Variants in MYH3 observed in about 807,000 individuals in gnomAD.
MYH3 encodes myosin-3.
MYH3 carries 130 observed loss-of-function variants against 238.0 expected under a neutral mutation model. That is an observed-to-expected ratio of 0.55 (90% CI 0.47 to 0.63). MYH3 has a LOEUF of 0.63. MYH3 is among the 30% of genes least tolerant of loss of function. The pLI is 0.00. For missense variants in MYH3, 1,853 were observed against 2,374.9 expected, an observed-to-expected ratio of 0.78 and a Z score of 4.57; for synonymous variants, 880 against 924.1, an observed-to-expected ratio of 0.95 and a Z score of 0.86.
rs779685889 is a variant in MYH3 at position 10,629,597 on chromosome 17, C to G, written c.5796G>C (p.Arg1932Ser). ...RAKTRDFTSS[R>S]MVVHESEE is the part of the protein sequence containing the mutation. ...GGCTCCTCCCAGCTCAGCGACTCAC[C>G]CTGCTGGAGGTGAAGTCTCGAGTCT... is the stretch of plus-strand genomic sequence containing the variant. Residue 1932 changes from arginine (R) to serine (S), a missense_variant and splice_region_variant, in exon 40 of 41, where the codon AGG becomes AGC. Transcript: ENST00000583535. 1.9e-6 allele frequency: 3 copies of G among 1,612,994 alleles called. No individual in the cohort carries two copies. Among genetic ancestry groups the G allele is most frequent in the East Asian group, 2.2e-5 (1 of 44,894 alleles).
chr17:10,640,037 G>C lies in MYH3; in HGVS notation c.2641C>G (p.Leu881Val). The C allele has an allele frequency of 1.2e-6, 2 of 1,613,830 alleles. No individual in the cohort carries two copies. Among genetic ancestry groups the C allele is most frequent in the Middle Eastern group, 1.7e-4 (1 of 6,038 alleles). Residue 881 changes from leucine to valine, a missense_variant, in exon 22 of 41, where the codon CTG becomes GTG. Physicochemically the swap from Leu to Val is conservative, Grantham distance 32 (BLOSUM62 1). Coordinates refer to ENST00000583535, the MANE Select transcript of MYH3 (RefSeq NM_002470.4). Reference sequence around the variant, plus strand: ...TGCAGGTCATTCTTCTCTTGGACCAGAGTCACCAGTTTTTCCTCTAGCTCC... The same window carrying C: ...TGCAGGTCATTCTTCTCTTGGACCACAGTCACCAGTTTTTCCTCTAGCTCC... ...RKELEEKLVT[L>V]VQEKNDLQLQ...
intron 18 of MYH3, 24 bp from the exon 19 acceptor site, chr17:10,641,226 G>C (rs756545998): frequency 6.2e-7 from 1 of 1,611,146 alleles, no homozygotes; most frequent in Non-Finnish European, 8.5e-7. Flanking sequence ...CGAGATATCA[G>C]CCTTACACAG....
Position 10,629,802 on chromosome 17 carries a change from G to A in MYH3, c.5658+40C>T. ...CTCTCAGAACTCACCACGGGAAACA[G>A]CACGGTCTGCCTGCCGCAGTCAGCA... On this transcript the variant is annotated intron_variant, in intron 39 of 40. Transcript: ENST00000583535. 6 of 1,613,944 alleles carry A rather than the reference G, an allele frequency of 3.7e-6. No individual in the cohort carries two copies. The South Asian group carries it at 4.4e-5, about 12-fold the overall frequency.
Position 10,649,817 on chromosome 17 carries a change from G to A in MYH3, c.534-132C>T, listed in dbSNP as rs1416710473. 10 of 829,582 alleles carry A rather than the reference G, an allele frequency of 1.2e-5. No individual in the cohort carries two copies. The Admixed American group carries it at 1.9e-4, about 16-fold the overall frequency. The allele number at this position is 829,582 out of a possible 1,614,324, so 51.4% of individuals were successfully genotyped here. On this transcript the variant is annotated intron_variant, in intron 6 of 40. Coordinates refer to ENST00000583535, the MANE Select transcript of MYH3 (RefSeq NM_002470.4). ...ACACACTCACCACACTAATGTGACA[G>A]ACCACTTGAGAAGGCAGACGCCCAG...
the MYH3 span, among the ~76,000 whole-genome samples, chr17:10,670,365 G>T: frequency 2.0e-5 from 3 of 152,294 alleles, no homozygotes; most frequent in African/African-American, 4.8e-5. The surrounding 1 kb of genome is among the most constrained non-coding windows in gnomAD (Gnocchi z 7.0). Flanking sequence ...GGAAGCAAAT[G>T]ACTTGACTGA....
chr17:10,649,538 A>G (rs747032915), intron 7 of MYH3, 39 bp downstream of exon 7: 1 of 1,527,392 alleles, frequency 6.5e-7, no homozygotes. Context: ...ACCACAGTTA[A>G]AAGTGGAAGC....
the MYH3 span, among the ~76,000 whole-genome samples, chr17:10,671,049 C>T: frequency 3.3e-5 from 5 of 152,204 alleles, no homozygotes; most frequent in East Asian, 9.7e-4. Flanking sequence ...CACCACCACG[C>T]CCAGCTAATT....
At position 10,651,747 on chromosome 17, in the gene MYH3, G is replaced by GT. The variant is rs370073463; in HGVS notation, c.349-80dup. On this transcript the variant is annotated intron_variant, in intron 4 of 40. Coordinates refer to ENST00000583535, the MANE Select transcript of MYH3 (RefSeq NM_002470.4). Reference sequence around the variant, plus strand: ...ACCCCTTGCCTTTATTATTATTATTGTTTTTTTTTTTTTTTGAGACGGAGT... The same window carrying GT: ...ACCCCTTGCCTTTATTATTATTATTGTTTTTTTTTTTTTTTTGAGACGGAGT... 60,231 of 726,574 alleles carry GT rather than the reference G, an allele frequency of 0.083. 441 individuals are homozygous for GT. The highest frequency in any genetic ancestry group is 0.22 in the East Asian group (4,068 of 18,194). 45.0% of individuals were successfully genotyped at this position (726,574 alleles called of 1,614,324 possible).
upstream of MYH3, among the ~76,000 whole-genome samples, chr17:10,657,732 A>G (rs9915717): frequency 0.7 from 106,783 of 152,138 alleles, 38,418 homozygotes; most frequent in Non-Finnish European, 0.8. Context: ...TAAGACTGAG[A>G]GTGAAAAGTT....
chr17:10,644,055 G>A (rs2074297292), intron 14 of MYH3, among the ~76,000 whole-genome samples: 1 of 151,910 alleles, frequency 6.6e-6, no homozygotes, highest in South Asian at 2.1e-4. Context: ...AGCTATTCAG[G>A]AGGCTGAGGC....
chr17:10,656,872 T>G (rs970805257), intron 1 of MYH3, among the ~76,000 whole-genome samples: 1 of 152,166 alleles, frequency 6.6e-6, no homozygotes, highest in Admixed American at 6.5e-5. Flanking sequence ...ACCTGGCAGA[T>G]GTACAGCCCA....
chr17:10,662,920 C>A, the MYH3 span, among the ~76,000 whole-genome samples: 1 of 152,080 alleles, frequency 6.6e-6, no homozygotes, highest in South Asian at 2.1e-4. Flanking sequence ...AACCCTGTAT[C>A]TGCTAAAAAC....
intron 28 of MYH3, among the ~76,000 whole-genome samples, 189 bp from the exon 29 acceptor site, chr17:10,636,042 A>T (rs774345881): frequency 3.3e-5 from 5 of 152,140 alleles, no homozygotes; most frequent in Non-Finnish European, 7.4e-5. Flanking sequence ...GTATTGTTGT[A>T]GGCCAGGTGC....
upstream of MYH3, among the ~76,000 whole-genome samples, chr17:10,659,397 G>A (rs1046870439): frequency 1.3e-5 from 2 of 152,182 alleles, no homozygotes; most frequent in Non-Finnish European, 2.9e-5. Context: ...AAATATAAGT[G>A]AATCTAGGAG....
rs112279473 is a variant in MYH3 at position 10,638,500 on chromosome 17, G to A, written c.3340-68C>T. 9,020 of 1,590,248 alleles carry A rather than the reference G, an allele frequency of 5.7e-3. 49 individuals are homozygous for A. The highest frequency in any genetic ancestry group is 0.02 in the Middle Eastern group (113 of 5,658). ...GCGGGGACTCTGATTGCCAAGAACA[G>A]GCTGGTTTCCCTTCCCATTAGACAA... On this transcript the variant is annotated intron_variant, in intron 26 of 40. Transcript: ENST00000583535.
intron 33 of MYH3, 69 bp downstream of exon 33, chr17:10,633,522 G>C: frequency 6.2e-7 from 1 of 1,600,864 alleles, no homozygotes; most frequent in Non-Finnish European, 8.5e-7. Flanking sequence ...ACAGCATGGA[G>C]CAGCCAGCCT....
In MYH3 at chr17:10,642,164, A is replaced by G. The variant is rs2074279065; in HGVS notation, c.1959+76T>C. ...AACACTACTACTCTCAAATAAATCA[A>G]GCTTAGAATCTCAGCATTGCTCATT... On this transcript the variant is annotated intron_variant, in intron 17 of 40. Transcript: ENST00000583535. The surrounding 1 kb of genome is among the most constrained non-coding windows in gnomAD (Gnocchi z 5.4). The G allele has an allele frequency of 7.4e-7, 1 of 1,348,338 alleles. No individual in the cohort carries two copies. The highest frequency in any genetic ancestry group is 1.1e-6 in the Non-Finnish European group (1 of 952,024). The allele number at this position is 1,348,338 out of a possible 1,614,324, so 83.5% of individuals were successfully genotyped here. A position where few individuals can be genotyped will look rare whatever the true frequency, so the allele number is the denominator to read the frequency against.
chr17:10,644,652 T>C lies in MYH3; in HGVS notation c.1192A>G (p.Lys398Glu), dbSNP rs181714752. 1 of 1,614,118 alleles carries C rather than the reference T, an allele frequency of 6.2e-7. No individual in the cohort carries two copies. The highest frequency in any genetic ancestry group is 1.3e-5 in the African/African-American group (1 of 75,048). Residue 398 changes from lysine (K) to glutamate (E), a missense_variant, in exon 13 of 41, where the codon AAA becomes GAA. Transcript: ENST00000583535. The part of the protein sequence containing the change: ...LMGLNSSDLL[K>E]ALCFPRVKVG... ...TTCACTCTAGGAAAGCACAAAGCTT[T>C]TAGGAGGTCCGAAGAGTTCAGGCCC...
At chr17:10,650,258 C>A in intron 6 of MYH3, 116 bp downstream of exon 6, 1 of 1,041,314 alleles carries the variant, frequency 9.6e-7, no homozygotes, top group South Asian at 1.4e-5. Flanking sequence ...TTACAGGTGT[C>A]AGCCACCGCG....
Sources: allele counts gnomAD v4.1 joint callset (sites outside exome capture counted in the v4.1 genomes callset), GRCh38; gene constraint gnomAD v4.1.1; non-coding constraint Gnocchi (gnomAD v3.1); transcripts MANE v1.5; gene names NCBI Gene and HGNC (gene_info 2026-07-23, HGNC 2026-07-21).